BAZ1A: variants seen among roughly 807,000 people sequenced by gnomAD.
The protein encoded by BAZ1A is bromodomain adjacent to zinc finger domain 1A, also known as bromodomain adjacent to zinc finger domain protein 1A.
BAZ1A carries 50 observed loss-of-function variants against 185.2 expected under a neutral mutation model. The observed-to-expected ratio is 0.27, with a 90% CI of 0.22 to 0.34. The LOEUF (loss-of-function observed/expected upper bound fraction) is 0.34, where lower values mean the gene tolerates loss of function less well. Ranked by LOEUF, BAZ1A falls within the 10% of genes least tolerant of loss-of-function variation. BAZ1A has a pLI of 1.00. For synonymous variants in BAZ1A, 571 were observed against 615.6 expected (o/e 0.93, Z 1.07); for missense variants, 1,356 against 1,839.9 (o/e 0.74, Z 4.81).
At chr14:34,856,859 CAAAAAA>C (rs577936229) in intron 3 of BAZ1A, among the ~76,000 whole-genome samples, 2 of 74,036 alleles carry the variant, frequency 2.7e-5, no homozygotes, top group African/African-American at 4.5e-5. Flanking sequence ...AACTCGGTCT[CAAAAAA>C]AAAAAAAAAA....
chr14:34,797,510 G>A (rs1434223213), intron 9 of BAZ1A, among the ~76,000 whole-genome samples: 1 of 152,010 alleles, frequency 6.6e-6, no homozygotes, highest in African/African-American at 2.4e-5. Context: ...AGTGAACCCA[G>A]ATCAAGCCAC....
At position 34,826,131 on chromosome 14, in the gene BAZ1A, G is replaced by A; in HGVS notation, c.418C>T (p.Leu140Phe). 2.5e-6 allele frequency: 4 copies of A among 1,610,138 alleles called. No individual in the cohort carries two copies. In the South Asian group the frequency reaches 3.3e-5, roughly 13 times the overall value. Residue 140 changes from leucine to phenylalanine, a missense_variant, in exon 4 of 27, where the codon CTC becomes TTC. Coordinates refer to ENST00000360310, the MANE Select transcript of BAZ1A (RefSeq NM_013448.3). ...ARLQCRILEV[L>F]PPSHQNGFAN... ...AAACCATTTTGATGTGATGGAGGGA[G>A]GACTTCCAAAATCCTACACTGCAAC... is the stretch of plus-strand genomic sequence containing the variant.
At chr14:34,862,978 T>C (rs1459976955) in intron 2 of BAZ1A, among the ~76,000 whole-genome samples, 1 of 142,200 alleles carries the variant, frequency 7.0e-6, no homozygotes, top group Non-Finnish European at 1.5e-5. Context: ...AAAAACTCTA[T>C]CCACTCTCTC....
chr14:34,756,443 C>T (rs1008166949), intron 25 of BAZ1A, among the ~76,000 whole-genome samples: 23 of 147,108 alleles, frequency 1.6e-4, no homozygotes, highest in South Asian at 4.4e-4. Context: ...AGGCGTGACA[C>T]ACTGCACCCA....
intron 26 of BAZ1A, 143 bp from the exon 27 acceptor site, chr14:34,753,847 G>T: frequency 1.5e-6 from 1 of 662,540 alleles, no homozygotes; most frequent in Non-Finnish European, 2.3e-6. Flanking sequence ...GGCTAGGCAT[G>T]GTGGCTCACA....
chr14:34,824,989 A>G (rs76224934), intron 4 of BAZ1A, among the ~76,000 whole-genome samples: 1 of 152,326 alleles, frequency 6.6e-6, no homozygotes, highest in African/African-American at 2.4e-5. Context: ...AATTGGTTGC[A>G]GACTCAGCTG....
In BAZ1A at chr14:34,754,850, T is replaced by G; in HGVS notation, c.4451A>C (p.Asn1484Thr). The G allele has an allele frequency of 6.2e-7, 1 of 1,600,536 alleles. No homozygotes were observed. Among genetic ancestry groups the G allele is most frequent in the South Asian group, 1.1e-5 (1 of 88,902 alleles). Reference protein sequence around the residue: ...IALNIIREKVNKCEYKLASEF... With the variant: ...IALNIIREKVTKCEYKLASEF... ...ACATGCTAATTTATATTCACACTTATTCACTTTTTCACGAATTATATTTAA... is the reference window on the plus strand; with the variant it reads ...ACATGCTAATTTATATTCACACTTAGTCACTTTTTCACGAATTATATTTAA... The change falls in exon 26 of 27, where the codon AAT (asparagine) becomes ACT (threonine). Residue 1484 changes from asparagine to threonine, a missense_variant. This residue lies in a region of BAZ1A where 61 missense variants were observed against 117.9 expected (regional missense o/e 0.52). Coordinates refer to ENST00000360310, the MANE Select transcript of BAZ1A (RefSeq NM_013448.3).
chr14:34,757,367 A>T (rs1367780722), intron 25 of BAZ1A, among the ~76,000 whole-genome samples: 3 of 12,026 alleles, frequency 2.5e-4, no homozygotes, highest in African/African-American at 2.0e-3. Flanking sequence ...CTCCATCTCA[A>T]AAAAAAAAAA....
Position 34,849,557 on chromosome 14 carries a change from T to C in BAZ1A, c.392+12487A>G, listed in dbSNP as rs74767784. Among the ~76,000 whole-genome samples the C allele has an allele frequency of 6.2e-3, 937 of 152,286 alleles. 17 individuals are homozygous for C. The highest frequency in any genetic ancestry group is 0.022 in the African/African-American group (905 of 41,566). On this transcript the variant is annotated intron_variant, in intron 3 of 26. Coordinates refer to ENST00000360310, the MANE Select transcript of BAZ1A (RefSeq NM_013448.3). ...GAAAAAAAAACAGATTTTAAAAAAT[T>C]TATAAACTTTACTTCTGATGAGTGG... is the stretch of plus-strand genomic sequence containing the variant.
rs758067756 is a variant in BAZ1A at position 34,773,745 on chromosome 14, T to G, written c.2998-19A>C. 5.1e-5 allele frequency: 82 copies of G among 1,611,500 alleles called. No individual in the cohort carries two copies. The highest frequency in any genetic ancestry group is 6.9e-5 in the Non-Finnish European group (81 of 1,178,994). On this transcript the variant is annotated intron_variant, in intron 19 of 26. Transcript: ENST00000360310. ...CTGTAACCTGTAACAAAATTCAAACTTACTAACCATGAAAAATGGAATATA... is the reference window on the plus strand; with the variant it reads ...CTGTAACCTGTAACAAAATTCAAACGTACTAACCATGAAAAATGGAATATA...
chr14:34,760,153 C>A (rs773947405), intron 24 of BAZ1A, among the ~76,000 whole-genome samples: 2 of 152,108 alleles, frequency 1.3e-5, no homozygotes, highest in South Asian at 4.1e-4. Flanking sequence ...CACACATTTC[C>A]CCTTTTGTTT....
chr14:34,753,498 A>G lies in BAZ1A; in HGVS notation c.*10T>C, dbSNP rs768398725. ...GTTTTTCTTCAAATATATCCTTTAG[A>G]AGGACAAAGTCAGATTCGTGACTTT... On this transcript the variant is annotated 3_prime_UTR_variant, in exon 27 of 27. Coordinates refer to ENST00000360310, the MANE Select transcript of BAZ1A (RefSeq NM_013448.3). 1.9e-6 allele frequency: 3 copies of G among 1,613,922 alleles called. No homozygotes were observed. Among genetic ancestry groups the G allele is most frequent in the Non-Finnish European group, 2.5e-6 (3 of 1,179,826 alleles).
intron 3 of BAZ1A, among the ~76,000 whole-genome samples, chr14:34,849,335 C>G (rs960318869): frequency 6.6e-6 from 1 of 152,178 alleles, no homozygotes; most frequent in East Asian, 1.9e-4. Context: ...TGTTCTGATA[C>G]GAGAAGACAT....
intron 4 of BAZ1A, among the ~76,000 whole-genome samples, chr14:34,817,330 G>A (rs2042021424): frequency 6.6e-6 from 1 of 152,116 alleles, no homozygotes. Context: ...GCTCATGCCT[G>A]TAATCTCGGC....
At chr14:34,860,127 TTTTTG>T (rs1431944920) in intron 3 of BAZ1A, among the ~76,000 whole-genome samples, 10 of 152,188 alleles carry the variant, frequency 6.6e-5, no homozygotes, top group Admixed American at 2.6e-4. Flanking sequence ...TTCCATAGTT[TTTTTG>T]TTTTGTTTTG....
intron 23 of BAZ1A, among the ~76,000 whole-genome samples, chr14:34,764,251 A>G (rs1379165542): frequency 6.6e-6 from 1 of 151,700 alleles, no homozygotes; most frequent in Non-Finnish European, 1.5e-5. Context: ...AAGCAAGGGT[A>G]ACTTCAGGCC....
At chr14:34,813,297 T>C (rs560157711) in intron 4 of BAZ1A, among the ~76,000 whole-genome samples, 1 of 152,168 alleles carries the variant, frequency 6.6e-6, no homozygotes, top group East Asian at 1.9e-4. Context: ...GAGGCTGAGA[T>C]GGGAGGACCA....
intron 3 of BAZ1A, among the ~76,000 whole-genome samples, chr14:34,840,550 G>C (rs905687275): frequency 6.6e-6 from 1 of 152,138 alleles, no homozygotes; most frequent in Non-Finnish European, 1.5e-5. Flanking sequence ...CCTGAGGTCA[G>C]AAATTCGAGA....
rs1415170029 is a variant in BAZ1A at position 34,874,195 on chromosome 14, C to G, written c.113+297G>C. On this transcript the variant is annotated intron_variant, in intron 2 of 26. Coordinates refer to ENST00000360310, the MANE Select transcript of BAZ1A (RefSeq NM_013448.3). The surrounding 1 kb of genome is among the most constrained non-coding windows in gnomAD (Gnocchi z 4.7). ...GCGAGGCGGGGAGTTTCCGCCGCCC[C>G]GCGGCCAAGAGGGCGGGAGGGCGAC... 6.4e-6 allele frequency: 2 copies of G among 312,732 alleles called. No homozygotes were observed. Among genetic ancestry groups the G allele is most frequent in the Non-Finnish European group, 1.2e-5 (2 of 167,592 alleles). The allele number at this position is 312,732 out of a possible 1,614,324, so 19.4% of individuals were successfully genotyped here. A position where few individuals can be genotyped will look rare whatever the true frequency, so the allele number is the denominator to read the frequency against.
Sources: gnomAD v4.1 joint callset for allele counts (sites outside exome capture counted in the v4.1 genomes callset) on GRCh38, gnomAD v4.1.1 for gene constraint, gnomAD v4.1.1 regional missense constraint, Gnocchi (gnomAD v3.1) non-coding constraint, MANE v1.5 for transcripts, NCBI Gene and HGNC (gene_info 2026-07-23, HGNC 2026-07-21) for gene names.